CGN: variants seen among roughly 807,000 people sequenced by gnomAD.
CGN encodes cingulin.
In CGN, 121 loss-of-function variants were observed where a neutral mutation model predicts 157.1. That is an observed-to-expected ratio of 0.77 (90% CI 0.66 to 0.90). The LOEUF is 0.90. Ranked by LOEUF, CGN falls within the 40% of genes least tolerant of loss-of-function variation. CGN has a pLI of 0.00. For missense variants in CGN, 1,424 were observed against 1,520.9 expected (o/e 0.94, Z 1.06); for synonymous variants, 535 against 607.5 (o/e 0.88, Z 1.76).
rs747270082 is a variant in CGN at position 151,529,513 on chromosome 1, A to G, written c.2060A>G (p.Gln687Arg). 1.2e-6 allele frequency: 2 copies of G among 1,613,798 alleles called. No individual in the cohort carries two copies. The highest frequency in any genetic ancestry group is 1.7e-6 in the Non-Finnish European group (2 of 1,179,970). Residue 687 changes from glutamine to arginine, a missense_variant, in exon 11 of 21, where the codon CAA (glutamine) becomes CGA (arginine). Transcript: ENST00000271636. ...RELEEQNLQL[Q>R]KTLQQLRQDC... ...CTGGAAGAACAGAACCTCCAGCTACAAAAGACCCTCCAGCAACTGCGACAG... is the reference window on the plus strand; with the variant it reads ...CTGGAAGAACAGAACCTCCAGCTACGAAAGACCCTCCAGCAACTGCGACAG...
intron 14 of CGN, among the ~76,000 whole-genome samples, chr1:151,533,229 G>A (rs1664878404): frequency 6.6e-6 from 1 of 152,248 alleles, no homozygotes; most frequent in Non-Finnish European, 1.5e-5. Context: ...TGTAATCCCA[G>A]CACGTTGGGA....
At chr1:151,522,214 G>A (rs966383363) in intron 5 of CGN, among the ~76,000 whole-genome samples, 9 of 152,210 alleles carry the variant, frequency 5.9e-5, no homozygotes, top group African/African-American at 2.2e-4. Context: ...AGACTGCAGT[G>A]AGCTGTGATT....
chr1:151,527,032 A>G lies in CGN; in HGVS notation c.1821A>G (p.Ile607Met). ...TGGAAGAGGAGCTTGGAGAGAAGATAGAGGTCTTGCAGAGGGAATTAGAGC... is the reference window on the plus strand; with the variant it reads ...TGGAAGAGGAGCTTGGAGAGAAGATGGAGGTCTTGCAGAGGGAATTAGAGC... ...EEMEEELGEK[I>M]EVLQRELEQA... Residue 607 changes from isoleucine (I) to methionine (M), a missense_variant, in exon 10 of 21, where the codon ATA (isoleucine) becomes ATG (methionine). Coordinates refer to ENST00000271636, the MANE Select transcript of CGN (RefSeq NM_020770.3). 1.9e-6 allele frequency: 3 copies of G among 1,614,170 alleles called. No homozygotes were observed. Among genetic ancestry groups the G allele is most frequent in the African/African-American group, 1.3e-5 (1 of 75,058 alleles).
Position 151,524,409 on chromosome 1 carries a change from A to G in CGN, c.1401+51A>G. 1 of 1,605,906 alleles carries G rather than the reference A, an allele frequency of 6.2e-7. No homozygotes were observed. Among genetic ancestry groups the G allele is most frequent in the Non-Finnish European group, 8.5e-7 (1 of 1,176,018 alleles). ...GCCTCTGCTTTTTCTCAGTTGGAGCATCCTCAAGTCTGCTCATCCATGGTT... is the reference window on the plus strand; with the variant it reads ...GCCTCTGCTTTTTCTCAGTTGGAGCGTCCTCAAGTCTGCTCATCCATGGTT... On this transcript the variant is annotated intron_variant, in intron 7 of 20. Coordinates refer to ENST00000271636, the MANE Select transcript of CGN (RefSeq NM_020770.3). This position sits in a 1 kb window ranked among gnomAD's most constrained non-coding sequence, Gnocchi z 4.4.
intron 6 of CGN, among the ~76,000 whole-genome samples, chr1:151,523,923 T>C (rs994470685): frequency 1.3e-5 from 2 of 152,160 alleles, no homozygotes; most frequent in Middle Eastern, 3.2e-3. Context: ...CCAAGACACA[T>C]CAGTGAACCC....
intron 5 of CGN, among the ~76,000 whole-genome samples, chr1:151,521,297 A>G (rs1172394308): frequency 2.0e-5 from 3 of 152,184 alleles, no homozygotes; most frequent in East Asian, 1.9e-4. Flanking sequence ...TTGGTGCTCA[A>G]TAAATGTTGG....
chr1:151,535,968 C>T, intron 18 of CGN, 70 bp downstream of exon 18: 2 of 1,208,182 alleles, frequency 1.7e-6, no homozygotes, highest in Non-Finnish European at 2.4e-6. Flanking sequence ...CTTTTCTCCT[C>T]TGTGGCTCCC....
intron 1 of CGN, among the ~76,000 whole-genome samples, chr1:151,516,668 G>T (rs756733450): frequency 1.3e-5 from 2 of 150,688 alleles, no homozygotes; most frequent in Non-Finnish European, 3.0e-5. Context: ...TCAGCCTCCC[G>T]AGCAGCTGGG....
At chr1:151,536,490 A>C (rs1298203522) in intron 19 of CGN, 145 bp downstream of exon 19, 2 of 644,470 alleles carry the variant, frequency 3.1e-6, no homozygotes, top group Non-Finnish European at 5.6e-6. Context: ...GATTGAAAAG[A>C]CTAGACTAGA....
Position 151,530,740 on chromosome 1 carries a change from CA to C in CGN, c.2567del (p.Lys856ArgfsTer53). 1 of 1,551,460 alleles carries C rather than the reference CA, an allele frequency of 6.4e-7. No individual in the cohort carries two copies. The highest frequency in any genetic ancestry group is 8.7e-7 in the Non-Finnish European group (1 of 1,146,736). On this transcript the variant is annotated frameshift_variant, in exon 13 of 21. Coordinates refer to ENST00000271636, the MANE Select transcript of CGN (RefSeq NM_020770.3). LOFTEE classifies it high-confidence loss of function. ...LLDRTVDRLN[K>X]ELEKIGEDSK... ...TGGACAGGACTGTGGACCGACTGAA[CA>C]AGGAGGTGGGGCATGGGGTATTCTG...
rs189127933 is a variant in CGN, at chr1:151,526,777, T to C, written c.1764-198T>C. ...GCATGAGCCACCATGCCTGGCCCACTTCCTTTCTATCTATGGTATGCTCTT... is the reference window on the plus strand; with the variant it reads ...GCATGAGCCACCATGCCTGGCCCACCTCCTTTCTATCTATGGTATGCTCTT... On this transcript the variant is annotated intron_variant, in intron 9 of 20. Transcript: ENST00000271636. Among the ~76,000 whole-genome samples the C allele has an allele frequency of 5.7e-4, 87 of 152,270 alleles. 1 individual carries two copies. The East Asian group carries it at 0.012, about 21-fold the overall frequency.
intron 13 of CGN, among the ~76,000 whole-genome samples, chr1:151,531,384 C>T (rs1664834827): frequency 6.6e-6 from 1 of 152,224 alleles, no homozygotes. Flanking sequence ...CATAATAAGA[C>T]TCTGTCTCTA....
chr1:151,534,117 G>A lies in CGN; in HGVS notation c.2885G>A (p.Arg962Gln), dbSNP rs375568038. The change falls in exon 15 of 21, where the codon CGG (arginine) becomes CAG (glutamine). Residue 962 changes from arginine (R) to glutamine (Q), a missense_variant. By Grantham distance (43) the Arg-to-Gln change is conservative. Around this residue, in one of 3 missense-constraint regions of CGN, gnomAD observed 199 missense variants for 272.2 expected, o/e 0.73. Transcript: ENST00000271636. ...AAGCGTTCCCAGGACGACAGGGCCC[G>A]GCAGCTGAAGGGTCTCGAGGTGAGG... The part of the protein sequence containing the change: ...NKKRSQDDRA[R>Q]QLKGLEEKVS... The A allele has an allele frequency of 7.5e-6, 12 of 1,596,326 alleles. No homozygotes were observed. The highest frequency in any genetic ancestry group is 4.5e-5 in the East Asian group (2 of 43,964).
chr1:151,536,933 A>G, intron 20 of CGN, 40 bp downstream of exon 20: 1 of 1,594,648 alleles, frequency 6.3e-7, no homozygotes, highest in Non-Finnish European at 8.6e-7. Context: ...TAGGGACACT[A>G]GAGCAGGGAG....
Position 151,535,775 on chromosome 1 carries a change from C to T in CGN, c.3079-5C>T, listed in dbSNP as rs1422190767. ...CTAACTGTGGAGGCTTCCTGTCCCTCTCAGAACAAGGACCTGAAGACCCGG... is the reference window on the plus strand; with the variant it reads ...CTAACTGTGGAGGCTTCCTGTCCCTTTCAGAACAAGGACCTGAAGACCCGG... On this transcript the variant is annotated splice_polypyrimidine_tract_variant and splice_region_variant and intron_variant, in intron 17 of 20. Coordinates refer to ENST00000271636, the MANE Select transcript of CGN (RefSeq NM_020770.3). 1 of 1,613,594 alleles carries T rather than the reference C, an allele frequency of 6.2e-7. No individual in the cohort carries two copies. Among genetic ancestry groups the T allele is most frequent in the South Asian group, 1.1e-5 (1 of 91,074 alleles).
chr1:151,529,790 C>T (rs1456486909), intron 11 of CGN, 119 bp from the exon 12 acceptor site: 50 of 992,642 alleles, frequency 5.0e-5, no homozygotes, highest in Non-Finnish European at 7.4e-5. Context: ...CTCTTTAAGC[C>T]TCATTCTTAT....
At chr1:151,532,102 T>G (rs1396815979) in intron 13 of CGN, among the ~76,000 whole-genome samples, 1 of 152,246 alleles carries the variant, frequency 6.6e-6, no homozygotes, top group Non-Finnish European at 1.5e-5. Flanking sequence ...CATAATTAAC[T>G]AATGTAATTC....
At chr1:151,526,828 T>C in intron 9 of CGN, 147 bp from the exon 10 acceptor site, 1 of 837,222 alleles carries the variant, frequency 1.2e-6, no homozygotes, top group Non-Finnish European at 1.9e-6. Flanking sequence ...AAACTGCTCT[T>C]TTCCACGTTC....
In CGN at chr1:151,527,950, ATTTTT is replaced by A. The variant is rs374689451; in HGVS notation, c.1896+862_1896+866del. ...ATGGCCACACTATATATATATATAT[ATTTTT>A]TTTTTTTTTTTTTTTTTTGAGACGG... On this transcript the variant is annotated intron_variant, in intron 10 of 20. Transcript: ENST00000271636. The A allele has an allele frequency of 8.6e-4, 70 of 81,480 alleles. 3 individuals are homozygous for A. The highest frequency in any genetic ancestry group is 8.2e-3 in the Admixed American group (37 of 4,498). The allele number at this position is 81,480 out of a possible 1,614,324, so 5.0% of individuals were successfully genotyped here. A position where few individuals can be genotyped will look rare whatever the true frequency, so the allele number is the denominator to read the frequency against.
Sources: gnomAD v4.1 joint callset for allele counts (sites outside exome capture counted in the v4.1 genomes callset) on GRCh38, gnomAD v4.1.1 for gene constraint, gnomAD v4.1.1 regional missense constraint, Gnocchi (gnomAD v3.1) non-coding constraint, MANE v1.5 for transcripts, NCBI Gene and HGNC (gene_info 2026-07-23, HGNC 2026-07-21) for gene names.